Variants in MAN1A2 observed in about 807,000 individuals in gnomAD.
MAN1A2 encodes mannosyl-oligosaccharide 1,2-alpha-mannosidase IB.
MAN1A2 carries 26 observed loss-of-function variants against 75.7 expected under a neutral mutation model. The ratio of observed to expected loss-of-function variants is 0.34; its 90% CI spans 0.25 to 0.48. The LOEUF (loss-of-function observed/expected upper bound fraction) is 0.48, where lower values mean the gene tolerates loss of function less well. Ranked by LOEUF, MAN1A2 falls within the 20% of genes least tolerant of loss-of-function variation. The pLI is 0.99. For synonymous variants in MAN1A2, 247 were observed against 264.6 expected, an observed-to-expected ratio of 0.93 and a Z score of 0.65; for missense variants, 562 against 775.5, an observed-to-expected ratio of 0.72 and a Z score of 3.27.
chr1:117,528,265 A>G lies in MAN1A2; in HGVS notation c.*5308A>G, dbSNP rs529956051. On this transcript the variant is annotated 3_prime_UTR_variant, in exon 13 of 13. Coordinates refer to ENST00000356554, the MANE Select transcript of MAN1A2 (RefSeq NM_006699.5). ...ACAGATAATAGATTTTTCTTTAAGAATTTTATCAAATATTTCACTATTTGG... is the reference window on the plus strand; with the variant it reads ...ACAGATAATAGATTTTTCTTTAAGAGTTTTATCAAATATTTCACTATTTGG... The G allele has an allele frequency of 1.3e-5, 2 of 152,150 alleles. No homozygotes were observed. Among genetic ancestry groups the G allele is most frequent in the South Asian group, 4.1e-4 (2 of 4,830 alleles). 9.4% of individuals were successfully genotyped at this position (152,150 alleles called of 1,614,324 possible).
chr1:117,427,282 T>G lies in MAN1A2; in HGVS notation c.855+6633T>G, dbSNP rs139042924. ...TGCCCAGTGACATAAAGGAAAATAT[T>G]TCTGAAATGACCAAATAGATGAAAA... is the stretch of plus-strand genomic sequence containing the variant. On this transcript the variant is annotated intron_variant, in intron 5 of 12. Transcript: ENST00000356554. Among the ~76,000 whole-genome samples, 231 of 152,270 alleles carry G rather than the reference T, an allele frequency of 1.5e-3. 1 individual carries two copies. The highest frequency in any genetic ancestry group is 5.4e-3 in the African/African-American group (225 of 41,584).
chr1:117,391,162 A>G (rs749005887), intron 1 of MAN1A2, among the ~76,000 whole-genome samples: 6 of 152,194 alleles, frequency 3.9e-5, no homozygotes, highest in Non-Finnish European at 8.8e-5. Flanking sequence ...AGCAAAAAAC[A>G]TACTTTATAT....
In MAN1A2 at chr1:117,523,115, A is replaced by G. The variant is rs1177087655; in HGVS notation, c.*158A>G. On this transcript the variant is annotated 3_prime_UTR_variant, in exon 13 of 13. Coordinates refer to ENST00000356554, the MANE Select transcript of MAN1A2 (RefSeq NM_006699.5). ...GACTGTTCAACTTGTAGATACATCA[A>G]CTTTGAAATTATTCCATTTTATACC... is the stretch of plus-strand genomic sequence containing the variant. 8 of 792,628 alleles carry G rather than the reference A, an allele frequency of 1.0e-5. No individual in the cohort carries two copies. The African/African-American group carries it at 1.0e-4, about 10-fold the overall frequency. The allele number at this position is 792,628 out of a possible 1,614,324, so 49.1% of individuals were successfully genotyped here.
rs2101858096 is a variant in MAN1A2 at position 117,479,979 on chromosome 1, T to G, written c.1169-13168T>G. Among the ~76,000 whole-genome samples the G allele has an allele frequency of 1.3e-5, 2 of 152,016 alleles. 1 individual carries two copies. The highest frequency in any genetic ancestry group is 6.8e-3 in the Middle Eastern group (2 of 294). ...CTCAGTGAGGCAAGATCTTCCTGAG[T>G]ACTCTACTAAATGTCCTGTGAATTA... On this transcript the variant is annotated intron_variant, in intron 8 of 12. Coordinates refer to ENST00000356554, the MANE Select transcript of MAN1A2 (RefSeq NM_006699.5).
chr1:117,526,988 C>T lies in MAN1A2; in HGVS notation c.*4031C>T, dbSNP rs1362872374. The stretch of plus-strand genomic sequence containing the variant: ...AATTATACACAGATAATTTTTAATA[C>T]TCTTTGTTAACAAACACAGTTGAAA... On this transcript the variant is annotated 3_prime_UTR_variant, in exon 13 of 13. Coordinates refer to ENST00000356554, the MANE Select transcript of MAN1A2 (RefSeq NM_006699.5). 9.5e-5 allele frequency: 13 copies of T among 136,260 alleles called. No individual in the cohort carries two copies. Among genetic ancestry groups the T allele is most frequent in the African/African-American group, 3.0e-4 (12 of 40,422 alleles). 8.4% of individuals were successfully genotyped at this position (136,260 alleles called of 1,614,324 possible). A position where few individuals can be genotyped will look rare whatever the true frequency, so the allele number is the denominator to read the frequency against.
chr1:117,490,624 A>C (rs1444583932), intron 8 of MAN1A2, among the ~76,000 whole-genome samples: 1 of 152,050 alleles, frequency 6.6e-6, no homozygotes. Flanking sequence ...AAATATTCCA[A>C]GTAAAAGAGT....
At chr1:117,479,833 A>T (rs1570777967) in intron 8 of MAN1A2, among the ~76,000 whole-genome samples, 2 of 151,338 alleles carry the variant, frequency 1.3e-5, no homozygotes, top group Non-Finnish European at 2.9e-5. Flanking sequence ...TGTGCTGGAT[A>T]TTTTTTTATC....
chr1:117,434,254 C>G (rs183843154), intron 5 of MAN1A2, among the ~76,000 whole-genome samples: 2 of 152,274 alleles, frequency 1.3e-5, no homozygotes, highest in East Asian at 3.9e-4. Context: ...TCTCACCCTT[C>G]CACATTCTTT....
chr1:117,369,435 T>C (rs1652878617), intron 1 of MAN1A2, among the ~76,000 whole-genome samples: 1 of 152,250 alleles, frequency 6.6e-6, no homozygotes, highest in Non-Finnish European at 1.5e-5. Flanking sequence ...AAAAAAATCA[T>C]GTGCTTGAAT....
At chr1:117,430,869 T>G (rs1401752516) in intron 5 of MAN1A2, among the ~76,000 whole-genome samples, 1 of 106,736 alleles carries the variant, frequency 9.4e-6, no homozygotes, top group Non-Finnish European at 1.9e-5. Flanking sequence ...GGCTGGGAGG[T>G]GTAGGTTGTA....
chr1:117,402,433 A>G lies in MAN1A2; in HGVS notation c.550A>G (p.Ile184Val). ...TGACATAAGAGAGAAAAGGGAAAAA[A>G]TTAAAGAGGTAATAAGCTGAGTTTT... ...DNDIREKREKIKEMMKHAWDN... is the reference protein window; with the variant it reads ...DNDIREKREKVKEMMKHAWDN... Residue 184 changes from isoleucine (I) to valine (V), a missense_variant, in exon 2 of 13, where the codon ATT becomes GTT. By Grantham distance (29) the Ile-to-Val change is conservative. Around this residue, in one of 2 missense-constraint regions of MAN1A2, gnomAD observed 434 missense variants for 645.7 expected, o/e 0.67. Coordinates refer to ENST00000356554, the MANE Select transcript of MAN1A2 (RefSeq NM_006699.5). The G allele has an allele frequency of 6.3e-7, 1 of 1,593,808 alleles. No individual in the cohort carries two copies. Among genetic ancestry groups the G allele is most frequent in the Non-Finnish European group, 8.5e-7 (1 of 1,174,204 alleles).
intron 3 of MAN1A2, among the ~76,000 whole-genome samples, chr1:117,413,451 C>G (rs939487873): frequency 1.3e-5 from 2 of 151,808 alleles, no homozygotes; most frequent in Non-Finnish European, 1.5e-5. Context: ...AAAATGTGAA[C>G]TAAGTAATGT....
chr1:117,489,783 T>C (rs1369950412), intron 8 of MAN1A2, among the ~76,000 whole-genome samples: 2 of 152,092 alleles, frequency 1.3e-5, no homozygotes, highest in Non-Finnish European at 2.9e-5. Context: ...CAAGTGTGTT[T>C]TGTGAGCTAA....
Position 117,526,925 on chromosome 1 carries a change from T to TA in MAN1A2, c.*3969dup, listed in dbSNP as rs1247822380. On this transcript the variant is annotated 3_prime_UTR_variant, in exon 13 of 13. Transcript: ENST00000356554. ...ATATATATATGAGAGATATATGAGA[T>TA]ATATGAGAGATCAAGATCTATATAT... is the stretch of plus-strand genomic sequence containing the variant. 4 of 143,816 alleles carry TA rather than the reference T, an allele frequency of 2.8e-5. No individual in the cohort carries two copies. The highest frequency in any genetic ancestry group is 1.0e-4 in the African/African-American group (4 of 39,046). The allele number at this position is 143,816 out of a possible 1,614,324, so 8.9% of individuals were successfully genotyped here. A position where few individuals can be genotyped will look rare whatever the true frequency, so the allele number is the denominator to read the frequency against.
chr1:117,517,971 T>C (rs917119726), intron 12 of MAN1A2, among the ~76,000 whole-genome samples: 13 of 151,954 alleles, frequency 8.6e-5, no homozygotes, highest in Admixed American at 8.5e-4. Context: ...GAATCAACCA[T>C]GGAATTTTAA....
chr1:117,468,551 T>C (rs1021766810), intron 8 of MAN1A2, among the ~76,000 whole-genome samples: 12 of 152,184 alleles, frequency 7.9e-5, no homozygotes, highest in Non-Finnish European at 1.8e-4. Flanking sequence ...TAGCCACATG[T>C]GACCATGGAG....
At chr1:117,486,964 A>T (rs1394752417) in intron 8 of MAN1A2, among the ~76,000 whole-genome samples, 2 of 152,078 alleles carry the variant, frequency 1.3e-5, no homozygotes, top group Non-Finnish European at 1.5e-5. Context: ...CTTGGAGAAG[A>T]GAGCTGAGTG....
intron 5 of MAN1A2, among the ~76,000 whole-genome samples, chr1:117,432,820 A>G (rs1024966234): frequency 1.3e-5 from 2 of 151,226 alleles, no homozygotes; most frequent in African/African-American, 4.8e-5. Context: ...TTTTAAATAC[A>G]TTAGCAAGAA....
In MAN1A2 at chr1:117,420,597, A is replaced by C; in HGVS notation, c.803A>C (p.Asn268Thr). Reference protein sequence around the residue: ...VNSEVSVFEVNIRFIGGLLAA... With the variant: ...VNSEVSVFEVTIRFIGGLLAA... ...TCAGAGGTGTCTGTGTTTGAAGTCA[A>C]CATTCGATTTATTGGAGGCCTACTT... The change falls in exon 5 of 13, where the codon AAC becomes ACC. Residue 268 changes from asparagine (N) to threonine (T), a missense_variant. Physicochemically the swap from Asn to Thr is moderately conservative, Grantham distance 65. This residue lies in a region of MAN1A2 where 434 missense variants were observed against 645.7 expected (regional missense o/e 0.67). Coordinates refer to ENST00000356554, the MANE Select transcript of MAN1A2 (RefSeq NM_006699.5). The C allele has an allele frequency of 6.2e-7, 1 of 1,613,038 alleles. No homozygotes were observed. The highest frequency in any genetic ancestry group is 8.5e-7 in the Non-Finnish European group (1 of 1,179,222).
Sources: gnomAD v4.1 joint callset for allele counts (sites outside exome capture counted in the v4.1 genomes callset) on GRCh38, gnomAD v4.1.1 for gene constraint, gnomAD v4.1.1 regional missense constraint, MANE v1.5 for transcripts, NCBI Gene and HGNC (gene_info 2026-07-23, HGNC 2026-07-21) for gene names.